Variants in NCL observed in about 807,000 individuals in gnomAD.
NCL encodes nucleolin multifunctional protein.
NCL carries 4 observed loss-of-function variants against 77.7 expected under a neutral mutation model. The observed-to-expected ratio is 0.05, with a 90% confidence interval of 0.03 to 0.12. The LOEUF (loss-of-function observed/expected upper bound fraction) is 0.12, where lower values mean the gene tolerates loss of function less well. Among genes scored for constraint, NCL ranks in the 10% least tolerant of loss-of-function variants. The pLI is 1.00. For synonymous variants in NCL, 344 were observed against 297.8 expected (o/e 1.16, Z -1.60); for missense variants, 763 against 860.9 (o/e 0.89, Z 1.42).
At position 231,454,273 on chromosome 2, in the gene NCL, G is replaced by GT. The variant is rs1377856202; in HGVS notation, c.*917dup. ...TGACTCTCCCGCTTCAGCCTCCTGA[G>GT]TAGCTGGGACTACAGGAGTACACCA... is the stretch of plus-strand genomic sequence containing the variant. On this transcript the variant is annotated 3_prime_UTR_variant, in exon 14 of 14. Coordinates refer to ENST00000322723, the MANE Select transcript of NCL (RefSeq NM_005381.3). The GT allele has an allele frequency of 1.3e-4, 20 of 152,348 alleles. No homozygotes were observed. Among genetic ancestry groups the GT allele is most frequent in the African/African-American group, 4.3e-4 (18 of 41,430 alleles). The allele number at this position is 152,348 out of a possible 1,614,324, so 9.4% of individuals were successfully genotyped here.
In NCL at chr2:231,463,245, A is replaced by T; in HGVS notation, c.90T>A (p.Asp30Glu). 10 of 1,612,006 alleles carry T rather than the reference A, an allele frequency of 6.2e-6. No individual in the cohort carries two copies. Among genetic ancestry groups the T allele is most frequent in the Non-Finnish European group, 7.6e-6 (9 of 1,179,638 alleles). Reference protein sequence around the residue: ...PPKEVEEDSEDEEMSEDEEDD... With the variant: ...PPKEVEEDSEEEEMSEDEEDD... ...CTTCTTCATCTTCTGACATTTCCTC[A>T]TCTTCACTATCTTCTTCTACCTCCT... The change falls in exon 2 of 14, where the codon GAT becomes GAA. Residue 30 changes from aspartate to glutamate, a missense_variant. Transcript: ENST00000322723.
chr2:231,463,674 C>T (rs1049363394), intron 1 of NCL: 1 of 218,710 alleles, frequency 4.6e-6, no homozygotes, highest in African/African-American at 2.3e-5. Context: ...CGGTGAAGAT[C>T]ATTAAGGCAC....
Position 231,463,130 on chromosome 2 carries a change from T to G in NCL, c.135+70A>C. On this transcript the variant is annotated intron_variant, in intron 2 of 13. Coordinates refer to ENST00000322723, the MANE Select transcript of NCL (RefSeq NM_005381.3). ...TAAAATCTTATTTTTGCCACAGATA[T>G]CCAATTTCATGTCTTAACTCTCCAT... 3.4e-6 allele frequency: 4 copies of G among 1,161,450 alleles called. No individual in the cohort carries two copies. In the South Asian group the frequency reaches 5.5e-5, roughly 16 times the overall value. The allele number at this position is 1,161,450 out of a possible 1,614,324, so 71.9% of individuals were successfully genotyped here.
At chr2:231,457,501 T>C in intron 9 of NCL, 142 bp downstream of exon 9, 1 of 866,848 alleles carries the variant, frequency 1.2e-6, no homozygotes, top group South Asian at 1.6e-5. Context: ...AATAAGAGTA[T>C]GACTTGGGGT....
intron 9 of NCL, 156 bp downstream of exon 9, chr2:231,457,487 T>A (rs2046902436): frequency 1.2e-6 from 1 of 840,296 alleles, no homozygotes; most frequent in Non-Finnish European, 1.9e-6. Context: ...AAATTACTAT[T>A]CCAAATAAGA....
At chr2:231,462,764 A>G (rs1052504302) in intron 2 of NCL, among the ~76,000 whole-genome samples, 2 of 152,240 alleles carry the variant, frequency 1.3e-5, no homozygotes, top group Non-Finnish European at 1.5e-5. Flanking sequence ...TACACCAGAG[A>G]TAACTATAAA....
chr2:231,462,431 C>CA, intron 2 of NCL: 2 of 411,398 alleles, frequency 4.9e-6, no homozygotes, highest in East Asian at 7.0e-5. Flanking sequence ...GGGGCTCCTA[C>CA]AGTGGGTGGC....
rs1049731614 is a variant in NCL at position 231,455,276 on chromosome 2, G to A, written c.2057-9C>T. On this transcript the variant is annotated splice_polypyrimidine_tract_variant and intron_variant, in intron 13 of 13. Coordinates refer to ENST00000322723, the MANE Select transcript of NCL (RefSeq NM_005381.3). ...TCGGAAGCCTCCTCGCCCTACAGGA[G>A]GAAGGCAAGACACTGTTAAAAGAAT... is the stretch of plus-strand genomic sequence containing the variant. 2 of 1,614,076 alleles carry A rather than the reference G, an allele frequency of 1.2e-6. No homozygotes were observed. Among genetic ancestry groups the A allele is most frequent in the Non-Finnish European group, 1.7e-6 (2 of 1,179,988 alleles).
chr2:231,463,083 A>C, intron 2 of NCL, 117 bp downstream of exon 2: 1 of 741,398 alleles, frequency 1.3e-6, no homozygotes, highest in Non-Finnish European at 2.2e-6. Context: ...ACACTCAACC[A>C]CTACAATAAG....
chr2:231,462,165 T>C (rs1436244898), intron 2 of NCL, 148 bp from the exon 3 acceptor site: 3 of 1,022,798 alleles, frequency 2.9e-6, no homozygotes, highest in African/African-American at 3.5e-5. Context: ...TCCAGGCTTC[T>C]GTTATGTTGT....
rs2046941218 is a variant in NCL, at chr2:231,460,739, G to GTCA, written c.738_740dup (p.Asp250dup). 2 of 1,609,006 alleles carry GTCA rather than the reference G, an allele frequency of 1.2e-6. No individual in the cohort carries two copies. The highest frequency in any genetic ancestry group is 1.7e-5 in the Admixed American group (1 of 59,926). On this transcript the variant is annotated inframe_insertion, in exon 4 of 14. Transcript: ENST00000322723. ...CATCTTCATCATCTTCGTCGTCGTCGTCATCCTCGTCCTCATCATCCTCTT... is the reference window on the plus strand; with the variant it reads ...CATCTTCATCATCTTCGTCGTCGTCGTCATCATCCTCGTCCTCATCATCCTCTT...
At chr2:231,462,735 G>A (rs765946926) in intron 2 of NCL, among the ~76,000 whole-genome samples, 1 of 151,868 alleles carries the variant, frequency 6.6e-6, no homozygotes, top group African/African-American at 2.4e-5. Flanking sequence ...AACACAAAGA[G>A]AGGTGGCAGC....
chr2:231,454,406 C>CAAGT lies in NCL; in HGVS notation c.*781_*784dup, dbSNP rs2046862334. Reference sequence around the variant, plus strand: ...GTTGATCTGCCTGCCTCGGCCTCCCCAAGTGTTGGGATTACAGGAGTTAGC... The same window carrying CAAGT: ...GTTGATCTGCCTGCCTCGGCCTCCCCAAGTAAGTGTTGGGATTACAGGAGTTAGC... On this transcript the variant is annotated 3_prime_UTR_variant, in exon 14 of 14. Transcript: ENST00000322723. 6.6e-6 allele frequency: 1 copy of CAAGT among 152,308 alleles called. No homozygotes were observed. Among genetic ancestry groups the CAAGT allele is most frequent in the Non-Finnish European group, 1.5e-5 (1 of 68,140 alleles). 9.4% of individuals were successfully genotyped at this position (152,308 alleles called of 1,614,324 possible). A position where few individuals can be genotyped will look rare whatever the true frequency, so the allele number is the denominator to read the frequency against.
At chr2:231,456,523 A>G (rs2046890016) in intron 11 of NCL, 108 bp downstream of exon 11, 2 of 1,480,296 alleles carry the variant, frequency 1.4e-6, no homozygotes. Context: ...CATCATATCC[A>G]GTTATTGTTC....
rs1575257703 is a variant in NCL at position 231,455,450 on chromosome 2, A to G, written c.2007T>C (p.Gly669=). The G allele has an allele frequency of 4.3e-6, 7 of 1,613,882 alleles. No individual in the cohort carries two copies. The highest frequency in any genetic ancestry group is 5.9e-6 in the Non-Finnish European group (7 of 1,179,956). ...CACCAAATCCTCCTCGGCCTCCTCT[A>G]CCACCACCTCGTCCTCCAAAGCCGC... ...GRGGFGGRGG[G]RGGRGGFGGR... The change falls in exon 13 of 14, where the codon GGT becomes GGC. Residue 669 remains glycine (G), a synonymous_variant. Transcript: ENST00000322723.
chr2:231,458,240 CT>C lies in NCL; in HGVS notation c.1289+25del, dbSNP rs769975811. The stretch of plus-strand genomic sequence containing the variant: ...AAAGTGCATTAATGTTAATAAAACC[CT>C]TACATTTCAATAGACAGAACATACC... On this transcript the variant is annotated intron_variant, in intron 8 of 13. Transcript: ENST00000322723. 4 of 1,594,656 alleles carry C rather than the reference CT, an allele frequency of 2.5e-6. No homozygotes were observed. The South Asian group carries it at 3.4e-5, about 14-fold the overall frequency.
At chr2:231,456,449 T>G (rs1471193246) in intron 11 of NCL, 182 bp downstream of exon 11, 2 of 1,159,590 alleles carry the variant, frequency 1.7e-6, no homozygotes, top group Non-Finnish European at 2.6e-6. Context: ...CACAGCTGGA[T>G]CAGAACTTGA....
chr2:231,458,484 C>G, intron 7 of NCL, 95 bp from the exon 8 acceptor site: 1 of 1,428,368 alleles, frequency 7.0e-7, no homozygotes, highest in Non-Finnish European at 9.5e-7. Flanking sequence ...TAGCTCTATT[C>G]AACAAATAAT....
At chr2:231,460,316 A>G (rs1253474004) in intron 5 of NCL, 23 bp from the exon 6 acceptor site, 1 of 1,614,000 alleles carries the variant, frequency 6.2e-7, no homozygotes, top group Admixed American at 1.7e-5. Flanking sequence ...AGCTCAACTC[A>G]GTCTACTTGT....
Sources: allele counts gnomAD v4.1 joint callset (sites outside exome capture counted in the v4.1 genomes callset), GRCh38; gene constraint gnomAD v4.1.1; transcripts MANE v1.5; gene names NCBI Gene and HGNC (gene_info 2026-07-23, HGNC 2026-07-21).